The following ANO3 variants were observed in gnomAD, a reference collection of about 807,000 sequenced individuals.
ANO3 encodes the protein anoctamin-3.
In ANO3, 99 loss-of-function variants were observed where a neutral mutation model predicts 144.8. That is an observed-to-expected ratio of 0.68 (90% CI 0.58 to 0.81). ANO3 has a LOEUF of 0.81. ANO3 is among the 30% of genes least tolerant of loss of function. The pLI is 0.00. For missense variants in ANO3, 905 were observed against 1,202.2 expected, an observed-to-expected ratio of 0.75 and a Z score of 3.66; for synonymous variants, 414 against 392.6, an observed-to-expected ratio of 1.05 and a Z score of -0.64.
In ANO3 at chr11:26,656,496, G is replaced by C; in HGVS notation, c.2763+15G>C. The C allele has an allele frequency of 6.7e-7, 1 of 1,487,696 alleles. No homozygotes were observed. Among genetic ancestry groups the C allele is most frequent in the Non-Finnish European group, 9.4e-7 (1 of 1,067,194 alleles). 92.2% of individuals were successfully genotyped at this position (1,487,696 alleles called of 1,614,324 possible). ...TTGTGTTTGAGGTTAGTCACAAGCTGAGATGAAAATTACTATAGATAAATG... is the reference window on the plus strand; with the variant it reads ...TTGTGTTTGAGGTTAGTCACAAGCTCAGATGAAAATTACTATAGATAAATG... On this transcript the variant is annotated intron_variant, in intron 26 of 26. Transcript: ENST00000256737.
chr11:26,609,761 G>A (rs1263498567), intron 17 of ANO3, among the ~76,000 whole-genome samples: 1 of 152,156 alleles, frequency 6.6e-6, no homozygotes, highest in Non-Finnish European at 1.5e-5. Context: ...ACCCAGTAGT[G>A]AGATTGATGG....
At chr11:26,493,520 C>A (rs767514026) in intron 4 of ANO3, among the ~76,000 whole-genome samples, 7 of 152,178 alleles carry the variant, frequency 4.6e-5, no homozygotes, top group Non-Finnish European at 7.3e-5. Flanking sequence ...CCATCAGCAG[C>A]AGAGAGCTAG....
intron 1 of ANO3, among the ~76,000 whole-genome samples, chr11:26,375,661 C>A (rs2133943619): frequency 6.6e-6 from 1 of 151,868 alleles, no homozygotes; most frequent in Middle Eastern, 3.4e-3. Flanking sequence ...GTTTTTATGC[C>A]CAAGTAGTTT....
intron 18 of ANO3, among the ~76,000 whole-genome samples, chr11:26,625,608 A>T (rs2133013207): frequency 6.6e-6 from 1 of 151,988 alleles, no homozygotes; most frequent in South Asian, 2.1e-4. Flanking sequence ...TTTTTTGCTT[A>T]TTTTTTTACA....
At chr11:26,212,724 A>G (rs552994924) in intron 1 of ANO3, among the ~76,000 whole-genome samples, 1 of 152,042 alleles carries the variant, frequency 6.6e-6, no homozygotes, top group South Asian at 2.1e-4. Context: ...AGCTGGTACC[A>G]TTCCTTCTGA....
chr11:26,212,059 G>T (rs1020843120), intron 1 of ANO3, among the ~76,000 whole-genome samples: 1 of 152,098 alleles, frequency 6.6e-6, no homozygotes, highest in Non-Finnish European at 1.5e-5. Flanking sequence ...GGCCTGTCAG[G>T]TGGTGGGGGG....
chr11:26,428,380 G>GA (rs1168295801), intron 1 of ANO3, among the ~76,000 whole-genome samples: 2 of 152,104 alleles, frequency 1.3e-5, no homozygotes, highest in South Asian at 2.1e-4. Flanking sequence ...AAACTCTAAG[G>GA]AAAAAATCCT....
chr11:26,544,000 A>G (rs1359006867), intron 11 of ANO3, among the ~76,000 whole-genome samples: 2 of 151,716 alleles, frequency 1.3e-5, no homozygotes, highest in Admixed American at 1.3e-4. Flanking sequence ...ATCACAAGAA[A>G]TGATCAGATT....
intron 18 of ANO3, among the ~76,000 whole-genome samples, chr11:26,630,735 G>A (rs61878612): frequency 0.031 from 4,648 of 152,192 alleles, 100 homozygotes; most frequent in Non-Finnish European, 0.049. Context: ...TGTTGAGTAA[G>A]GAATTCTGTG....
At chr11:26,455,826 C>T (rs1280284486) in intron 3 of ANO3, among the ~76,000 whole-genome samples, 3 of 150,834 alleles carry the variant, frequency 2.0e-5, no homozygotes, top group Non-Finnish European at 4.4e-5. Context: ...TCAAACTATG[C>T]TACAAGGCTA....
intron 1 of ANO3, among the ~76,000 whole-genome samples, chr11:26,358,418 C>T (rs1489367864): frequency 1.3e-5 from 2 of 152,138 alleles, no homozygotes; most frequent in African/African-American, 2.4e-5. Flanking sequence ...GATCCACCTG[C>T]GTCGGCCTCC....
At chr11:26,553,014 TG>T (rs1206813282) in intron 12 of ANO3, among the ~76,000 whole-genome samples, 1 of 362 alleles carries the variant, frequency 2.8e-3, no homozygotes. Context: ...ACAATTATCT[TG>T]ACAGCATTTT....
At chr11:26,322,390 T>C (rs542884421) in intron 1 of ANO3, among the ~76,000 whole-genome samples, 2 of 152,236 alleles carry the variant, frequency 1.3e-5, no homozygotes, top group East Asian at 3.9e-4. Flanking sequence ...CTAAAGCCTA[T>C]AGTTTATTCA....
chr11:26,648,873 C>A (rs936501596), intron 24 of ANO3, among the ~76,000 whole-genome samples: 4 of 152,054 alleles, frequency 2.6e-5, no homozygotes, highest in African/African-American at 9.7e-5. Flanking sequence ...CAGGATGAGC[C>A]CTGGAATAGG....
chr11:26,378,458 A>T (rs1053005735), intron 1 of ANO3, among the ~76,000 whole-genome samples: 2 of 150,014 alleles, frequency 1.3e-5, no homozygotes, highest in Admixed American at 1.3e-4. Context: ...ATCTATATAG[A>T]CTAGTTACCA....
chr11:26,462,315 A>G (rs1259750394), intron 3 of ANO3, among the ~76,000 whole-genome samples: 1 of 151,908 alleles, frequency 6.6e-6, no homozygotes, highest in East Asian at 1.9e-4. Context: ...TATCACATGG[A>G]ATATAAATTT....
chr11:26,439,175 A>G (rs1006937443), intron 1 of ANO3, among the ~76,000 whole-genome samples: 2 of 152,262 alleles, frequency 1.3e-5, no homozygotes, highest in Admixed American at 1.3e-4. Flanking sequence ...AATTAGCTAC[A>G]ACTGGATTAT....
At position 26,544,273 on chromosome 11, in the gene ANO3, T is replaced by TATAC; in HGVS notation, c.1154+2206_1154+2207insTACA. 3.8e-4 allele frequency among the ~76,000 whole-genome samples: 22 copies of TATAC among 58,558 alleles called. 1 individual carries two copies. Among genetic ancestry groups the TATAC allele is most frequent in the South Asian group, 2.0e-3 (2 of 1,014 alleles). 38.4% of individuals were successfully genotyped at this position (58,558 alleles called of 152,430 possible). The stretch of plus-strand genomic sequence containing the variant: ...ATACATATATATATATATATATATA[T>TATAC]ACACACATACACACACACACACACA... On this transcript the variant is annotated intron_variant, in intron 11 of 26. Transcript: ENST00000256737.
upstream of ANO3, among the ~76,000 whole-genome samples, chr11:26,308,246 C>A (rs183003383): frequency 1.9e-4 from 29 of 152,298 alleles, no homozygotes; most frequent in East Asian, 1.7e-3. Flanking sequence ...TTCCAAGATG[C>A]ACATCTCCTA....
Sources: gnomAD v4.1 joint callset for allele counts (sites outside exome capture counted in the v4.1 genomes callset) on GRCh38, gnomAD v4.1.1 for gene constraint, MANE v1.5 for transcripts, NCBI Gene and HGNC (gene_info 2026-07-23, HGNC 2026-07-21) for gene names.